CDH2: variants seen among roughly 807,000 people sequenced by gnomAD.
The protein encoded by CDH2 is cadherin-2.
Under a neutral mutation model 92.0 loss-of-function variants are expected in CDH2, and 17 were observed. That is an observed-to-expected ratio of 0.18 (90% confidence interval 0.13 to 0.28). CDH2 has a LOEUF of 0.28. CDH2 is among the 10% of genes least tolerant of loss of function. CDH2 has a pLI of 1.00. For missense variants in CDH2, 862 were observed against 1,133.1 expected, an observed-to-expected ratio of 0.76 and a Z score of 3.44; for synonymous variants, 419 against 415.9, an observed-to-expected ratio of 1.01 and a Z score of -0.09.
At chr18:27,943,153 T>C (rs1161512461) in intron 6 of CDH2, among the ~76,000 whole-genome samples, 3 of 152,198 alleles carry the variant, frequency 2.0e-5, no homozygotes, top group Non-Finnish European at 4.4e-5. Flanking sequence ...CACCCCAAAA[T>C]GGCGATCCTA....
chr18:28,122,197 C>T (rs529725091), intron 2 of CDH2, among the ~76,000 whole-genome samples: 1 of 152,234 alleles, frequency 6.6e-6, no homozygotes, highest in Admixed American at 6.5e-5. Context: ...AGCTCAGATG[C>T]CATGTCTCCA....
intron 2 of CDH2, among the ~76,000 whole-genome samples, chr18:28,043,380 C>CA (rs2013987604): frequency 6.8e-6 from 1 of 147,284 alleles, no homozygotes; most frequent in East Asian, 2.0e-4. Flanking sequence ...ACAGGTACAC[C>CA]AAAATCTCAG....
chr18:27,992,593 G>A (rs2012452075), intron 9 of CDH2, 62 bp downstream of exon 9: 11 of 1,334,038 alleles, frequency 8.2e-6, no homozygotes, highest in African/African-American at 7.3e-5. Context: ...AATGAGTGGG[G>A]GACATATATT....
chr18:27,938,719 T>A (rs531496271), intron 6 of CDH2, among the ~76,000 whole-genome samples: 1 of 152,166 alleles, frequency 6.6e-6, no homozygotes, highest in Admixed American at 6.5e-5. Context: ...TCTACATTTT[T>A]TTTAAATCAC....
intron 2 of CDH2, among the ~76,000 whole-genome samples, chr18:28,060,496 CTTA>C (rs1456921232): frequency 6.6e-6 from 1 of 152,098 alleles, no homozygotes; most frequent in Non-Finnish European, 1.5e-5. Context: ...CCCTTCTTTA[CTTA>C]TTAACTGCAG....
chr18:27,986,178 A>G (rs555421145), intron 11 of CDH2, among the ~76,000 whole-genome samples: 65 of 152,300 alleles, frequency 4.3e-4, no homozygotes, highest in Admixed American at 2.6e-3. Context: ...GAAAGAACAT[A>G]AGAATGCTTT....
At chr18:28,014,655 T>TA (rs958268798) in intron 2 of CDH2, among the ~76,000 whole-genome samples, 6 of 151,564 alleles carry the variant, frequency 4.0e-5, no homozygotes, top group Admixed American at 3.3e-4. Flanking sequence ...AATTTTAAAT[T>TA]AAAAAAATGA....
At chr18:28,094,538 T>C (rs1363729380) in intron 2 of CDH2, among the ~76,000 whole-genome samples, 1 of 151,316 alleles carries the variant, frequency 6.6e-6, no homozygotes. Flanking sequence ...CTCACGCCTG[T>C]AATCCCAGCA....
chr18:27,962,430 GTAGATT>G (rs2011431515), intron 15 of CDH2, among the ~76,000 whole-genome samples: 1 of 152,152 alleles, frequency 6.6e-6, no homozygotes, highest in Admixed American at 6.5e-5. Context: ...AAAACCTAAT[GTAGATT>G]ATGTTTAATA....
At position 28,101,025 on chromosome 18, in the gene CDH2, G is replaced by T. The variant is rs1288762286; in HGVS notation, c.172+46648C>A. On this transcript the variant is annotated intron_variant, in intron 2 of 15. Transcript: ENST00000269141. The stretch of plus-strand genomic sequence containing the variant: ...AACAATTATCAGTATTATATAACTT[G>T]TGACCCTTCATATTTGTTCTCAACA... Among the ~76,000 whole-genome samples the T allele has an allele frequency of 3.3e-5, 5 of 152,124 alleles. No individual in the cohort carries two copies. In the South Asian group the frequency reaches 1.0e-3, roughly 31 times the overall value.
At chr18:28,124,436 GCATGTGTTTCC>G (rs1410506944) in intron 2 of CDH2, among the ~76,000 whole-genome samples, 1 of 152,044 alleles carries the variant, frequency 6.6e-6, no homozygotes, top group Non-Finnish European at 1.5e-5. Context: ...CACAGGCCAA[GCATGTGTTTCC>G]CAATTTCTGT....
At chr18:28,136,806 A>G (rs1019097281) in intron 2 of CDH2, among the ~76,000 whole-genome samples, 2 of 152,200 alleles carry the variant, frequency 1.3e-5, no homozygotes, top group African/African-American at 4.8e-5. Flanking sequence ...ATATCTAAGT[A>G]TAGTAGAAAA....
intron 2 of CDH2, among the ~76,000 whole-genome samples, chr18:28,092,892 A>G (rs2015061983): frequency 6.6e-6 from 1 of 152,176 alleles, no homozygotes; most frequent in Non-Finnish European, 1.5e-5. Flanking sequence ...ATTCCAGCCT[A>G]TGCCACCCCC....
intron 14 of CDH2, among the ~76,000 whole-genome samples, chr18:27,978,718 T>C (rs965964618): frequency 6.6e-6 from 1 of 152,070 alleles, no homozygotes; most frequent in African/African-American, 2.4e-5. Flanking sequence ...AGTGACATAA[T>C]CACAGCTCAC....
At chr18:28,050,602 A>G (rs1391622739) in intron 2 of CDH2, among the ~76,000 whole-genome samples, 4 of 152,196 alleles carry the variant, frequency 2.6e-5, no homozygotes, top group Non-Finnish European at 4.4e-5. Flanking sequence ...AATACTTACC[A>G]TATTTCAGAG....
chr18:28,057,273 A>G (rs1259653998), intron 2 of CDH2, among the ~76,000 whole-genome samples: 1 of 152,236 alleles, frequency 6.6e-6, no homozygotes, highest in African/African-American at 2.4e-5. Flanking sequence ...ATGAACATCA[A>G]GCAGAACAAG....
rs1373343758 is a variant in CDH2, at chr18:28,043,489, TATATAA to T, written c.173-29586_173-29581del. Among the ~76,000 whole-genome samples the T allele has an allele frequency of 6.4e-3, 480 of 74,810 alleles. 4 individuals are homozygous for T. Among genetic ancestry groups the T allele is most frequent in the African/African-American group, 0.017 (303 of 18,284 alleles). The allele number at this position is 74,810 out of a possible 152,430, so 49.1% of individuals were successfully genotyped here. A position where few individuals can be genotyped will look rare whatever the true frequency, so the allele number is the denominator to read the frequency against. On this transcript the variant is annotated intron_variant, in intron 2 of 15. Coordinates refer to ENST00000269141, the MANE Select transcript of CDH2 (RefSeq NM_001792.5). ...ATATATATATATATATATATATATA[TATATAA>T]ATATATATATATATATATATAAACA...
intron 2 of CDH2, among the ~76,000 whole-genome samples, chr18:28,056,624 G>T (rs2014298721): frequency 6.6e-6 from 1 of 152,138 alleles, no homozygotes; most frequent in African/African-American, 2.4e-5. Context: ...AGTGACCTGT[G>T]ATCCCATTTT....
intron 2 of CDH2, among the ~76,000 whole-genome samples, chr18:28,055,841 G>T (rs1364307314): frequency 1.3e-5 from 2 of 152,048 alleles, no homozygotes; most frequent in Non-Finnish European, 2.9e-5. Flanking sequence ...CTATGGGGAA[G>T]CCCCATATGT....
Sources: gnomAD v4.1 joint callset for allele counts (sites outside exome capture counted in the v4.1 genomes callset) on GRCh38, gnomAD v4.1.1 for gene constraint, MANE v1.5 for transcripts, NCBI Gene and HGNC (gene_info 2026-07-23, HGNC 2026-07-21) for gene names.